Variants in SAE1 observed in about 807,000 individuals in gnomAD.
SAE1 encodes SUMO1 activating enzyme subunit 1, also known as SUMO-activating enzyme subunit 1.
Under a neutral mutation model 40.6 loss-of-function variants are expected in SAE1, and 11 were observed. The ratio of observed to expected loss-of-function variants is 0.27; its 90% CI spans 0.17 to 0.45. SAE1 has a LOEUF of 0.45. Ranked by LOEUF, SAE1 falls within the 20% of genes least tolerant of loss-of-function variation. SAE1 has a pLI of 1.00. For missense variants in SAE1, 373 were observed against 427.3 expected (o/e 0.87, Z 1.12); for synonymous variants, 155 against 154.3 (o/e 1.00, Z -0.03).
At chr19:47,173,816 T>G in intron 6 of SAE1, among the ~76,000 whole-genome samples, 1 of 149,526 alleles carries the variant, frequency 6.7e-6, no homozygotes. Context: ...ACGGAGTCTC[T>G]CTCTGTCACC....
intron 6 of SAE1, among the ~76,000 whole-genome samples, chr19:47,189,475 C>G (rs892472252): frequency 9.2e-5 from 14 of 152,110 alleles, no homozygotes; most frequent in Admixed American, 8.5e-4. Context: ...GCAGTAGAAT[C>G]GCTTGCACCT....
chr19:47,204,842 T>A (rs1375578681), intron 8 of SAE1, among the ~76,000 whole-genome samples: 5 of 152,040 alleles, frequency 3.3e-5, no homozygotes, highest in Non-Finnish European at 7.4e-5. Flanking sequence ...TGTAGAGAAA[T>A]CAGTTTCTGT....
chr19:47,160,697 A>T (rs1167078234), intron 5 of SAE1, among the ~76,000 whole-genome samples: 1 of 140,904 alleles, frequency 7.1e-6, no homozygotes, highest in Non-Finnish European at 1.6e-5. Context: ...GCCCAGCCTA[A>T]TTTTTGTATT....
intron 5 of SAE1, among the ~76,000 whole-genome samples, chr19:47,159,850 C>T (rs567049334): frequency 3.3e-5 from 5 of 152,220 alleles, no homozygotes; most frequent in African/African-American, 1.2e-4. Context: ...TGTGCCACCA[C>T]ACTCGACTGG....
intron 2 of SAE1, among the ~76,000 whole-genome samples, chr19:47,145,773 A>G (rs149801745): frequency 6.8e-4 from 103 of 152,164 alleles, no homozygotes; most frequent in South Asian, 1.4e-3. Flanking sequence ...CAATCACAGA[A>G]CAGTGCGATT....
At chr19:47,149,200 T>C (rs1304061787) in intron 2 of SAE1, among the ~76,000 whole-genome samples, 2 of 145,582 alleles carry the variant, frequency 1.4e-5, no homozygotes, top group African/African-American at 5.1e-5. Context: ...AGACGGAGTC[T>C]TGCTCTGTTG....
At chr19:47,138,852 CA>C (rs1377683608) in intron 1 of SAE1, among the ~76,000 whole-genome samples, 1 of 152,024 alleles carries the variant, frequency 6.6e-6, no homozygotes, top group East Asian at 1.9e-4. Context: ...CCATCTTAAT[CA>C]AAACAAAAAC....
intron 5 of SAE1, among the ~76,000 whole-genome samples, chr19:47,156,478 C>CA (rs901510484): frequency 2.0e-4 from 29 of 145,154 alleles, no homozygotes; most frequent in Non-Finnish European, 2.3e-4. Flanking sequence ...ACTCTGTCTC[C>CA]AAAAAAAAAA....
intron 5 of SAE1, among the ~76,000 whole-genome samples, chr19:47,165,653 A>G (rs991009029): frequency 2.0e-5 from 3 of 152,166 alleles, no homozygotes; most frequent in Non-Finnish European, 4.4e-5. Context: ...TTTTTTCTTT[A>G]TAAGCGTAAT....
chr19:47,201,623 CA>C, intron 7 of SAE1, among the ~76,000 whole-genome samples: 1 of 150,436 alleles, frequency 6.6e-6, no homozygotes, highest in Non-Finnish European at 1.5e-5. Context: ...GAGATTCTAC[CA>C]GCAATGGGAG....
chr19:47,143,192 G>A (rs999662896), intron 1 of SAE1, among the ~76,000 whole-genome samples: 13 of 151,518 alleles, frequency 8.6e-5, no homozygotes, highest in African/African-American at 3.2e-4. Flanking sequence ...TGCAACCTCC[G>A]CCTCATGGTT....
At chr19:47,204,084 C>T (rs1347722368) in intron 8 of SAE1, among the ~76,000 whole-genome samples, 1 of 151,384 alleles carries the variant, frequency 6.6e-6, no homozygotes. Context: ...ATGATCCCCA[C>T]TTAAGAGGAA....
At chr19:47,159,818 G>A (rs970942340) in intron 5 of SAE1, among the ~76,000 whole-genome samples, 13 of 151,816 alleles carry the variant, frequency 8.6e-5, no homozygotes, top group Non-Finnish European at 1.5e-4. Context: ...CTCAGCTTCC[G>A]GAGTAGCTGG....
chr19:47,189,207 C>T (rs947219512), intron 6 of SAE1, among the ~76,000 whole-genome samples: 1 of 152,154 alleles, frequency 6.6e-6, no homozygotes, highest in African/African-American at 2.4e-5. Flanking sequence ...TTTATGTCAC[C>T]TGGGAGTGGA....
Position 47,150,340 on chromosome 19 carries a change from A to G in SAE1, c.349A>G (p.Lys117Glu), listed in dbSNP as rs774396929. The G allele has an allele frequency of 7.5e-6, 12 of 1,604,944 alleles. No homozygotes were observed. The Admixed American group carries it at 2.1e-4, about 28-fold the overall frequency. ...GAAGGTGGACACTGAGGATATAGAG[A>G]AGAAACCAGAGTCATTTTTCACTCA... Reference protein sequence around the residue: ...DVKVDTEDIEKKPESFFTQFD... With the variant: ...DVKVDTEDIEEKPESFFTQFD... Residue 117 changes from lysine (K) to glutamate (E), a missense_variant, in exon 3 of 9, where the codon AAG becomes GAG. Lys to Glu is a moderately conservative substitution (Grantham distance 56). Transcript: ENST00000270225.
At chr19:47,182,803 CG>C (rs2058518826) in intron 6 of SAE1, among the ~76,000 whole-genome samples, 1 of 152,090 alleles carries the variant, frequency 6.6e-6, no homozygotes, top group South Asian at 2.1e-4. Context: ...TGGTTACAGG[CG>C]GGGTGTGGTG....
chr19:47,189,645 C>A (rs943315958), intron 6 of SAE1, among the ~76,000 whole-genome samples: 2 of 152,030 alleles, frequency 1.3e-5, no homozygotes, highest in African/African-American at 4.8e-5. Flanking sequence ...GAATTGGGGC[C>A]GAGGTGTCTG....
At chr19:47,171,008 C>G (rs1480652853) in intron 6 of SAE1, among the ~76,000 whole-genome samples, 2 of 152,094 alleles carry the variant, frequency 1.3e-5, no homozygotes, top group African/African-American at 2.4e-5. Context: ...TGGAGTCTCG[C>G]TCTGTCCCCA....
At chr19:47,190,576 C>T (rs774494811) in intron 6 of SAE1, among the ~76,000 whole-genome samples, 3 of 152,092 alleles carry the variant, frequency 2.0e-5, no homozygotes, top group Non-Finnish European at 4.4e-5. Context: ...CTGATTGGCC[C>T]CCTTCCCAGA....
Sources: gnomAD v4.1 joint callset for allele counts (sites outside exome capture counted in the v4.1 genomes callset) on GRCh38, gnomAD v4.1.1 for gene constraint, MANE v1.5 for transcripts, NCBI Gene and HGNC (gene_info 2026-07-23, HGNC 2026-07-21) for gene names.